The following MUC12 variants were observed in gnomAD, a reference collection of about 807,000 sequenced individuals.
MUC12 encodes mucin-12.
Under a neutral mutation model 230.8 loss-of-function variants are expected in MUC12, and 172 were observed. The observed-to-expected ratio is 0.75, with a 90% CI of 0.66 to 0.85. The LOEUF (loss-of-function observed/expected upper bound fraction) is 0.85. Ranked by LOEUF, MUC12 falls within the 40% of genes least tolerant of loss-of-function variation. MUC12 has a pLI of 0.00. For synonymous variants in MUC12, 1,259 were observed against 2,401.9 expected (o/e 0.52, Z 13.91); for missense variants, 3,506 against 5,920.6 (o/e 0.59, Z 13.38).
chr7:101,014,638 T>G (rs967556911), intron 9 of MUC12, among the ~76,000 whole-genome samples: 11 of 152,060 alleles, frequency 7.2e-5, no homozygotes, highest in Non-Finnish European at 1.5e-4. Flanking sequence ...CCACCATGCC[T>G]GGCTAATTTT....
rs187453839 is a variant in MUC12, at chr7:101,008,186, T to G, written c.15059-448T>G. Among the ~76,000 whole-genome samples, 5 of 151,802 alleles carry G rather than the reference T, an allele frequency of 3.3e-5. No homozygotes were observed. The East Asian group carries it at 7.8e-4, about 24-fold the overall frequency. On this transcript the variant is annotated intron_variant, in intron 3 of 11. Transcript: ENST00000536621. ...TGTGGCCCAGGCTGGAGTGCAGAGG[T>G]GCAGATCATAGCTCACCACAGCCTC... is the stretch of plus-strand genomic sequence containing the variant.
chr7:101,013,081 A>G lies in MUC12; in HGVS notation c.15577A>G (p.Lys5193Glu), dbSNP rs942964514. 6.5e-6 allele frequency: 10 copies of G among 1,537,228 alleles called. No individual in the cohort carries two copies. In the African/African-American group the frequency reaches 1.4e-4, roughly 21 times the overall value. Residue 5193 changes from lysine to glutamate, a missense_variant, in exon 8 of 12, where the codon AAG becomes GAG. Physicochemically the swap from Lys to Glu is moderately conservative, Grantham distance 56. Transcript: ENST00000536621. ...ACVNKCTKGT[K>E]SQMNCNLGTC... Reference sequence around the variant, plus strand: ...TGTGAACAAGTGCACCAAAGGAACGAAGTCGCAAATGAACTGTAACCTGGG... The same window carrying G: ...TGTGAACAAGTGCACCAAAGGAACGGAGTCGCAAATGAACTGTAACCTGGG...
At chr7:101,015,727 T>G in intron 10 of MUC12, 36 bp downstream of exon 10, 1 of 1,520,940 alleles carries the variant, frequency 6.6e-7, no homozygotes, top group Non-Finnish European at 8.8e-7. Flanking sequence ...TGAGCAGAGC[T>G]GGAGGGTGAA....
Position 101,004,341 on chromosome 7 carries a change from C to G in MUC12, c.13778C>G (p.Ser4593Cys), listed in dbSNP as rs767685166. The change falls in exon 2 of 12, where the codon TCC (serine) becomes TGC (cysteine). Residue 4593 changes from serine (S) to cysteine (C), a missense_variant. Transcript: ENST00000536621. ...ATATTPSPAR[S>C]TTSGLVEEST... ...GCAACAACACCCTCGCCTGCCCGCT[C>G]CACAACCTCAGGCCTCGTTGAAGAA... 2.2e-6 allele frequency: 3 copies of G among 1,344,024 alleles called. No homozygotes were observed. Among genetic ancestry groups the G allele is most frequent in the African/African-American group, 1.9e-5 (1 of 52,394 alleles). The allele number at this position is 1,344,024 out of a possible 1,614,324, so 83.3% of individuals were successfully genotyped here. A position where few individuals can be genotyped will look rare whatever the true frequency, so the allele number is the denominator to read the frequency against.
Position 101,005,415 on chromosome 7 carries a change from G to A in MUC12, c.14852G>A (p.Ser4951Asn), listed in dbSNP as rs1793730370. The A allele has an allele frequency of 6.5e-7, 1 of 1,537,922 alleles. No individual in the cohort carries two copies. Among genetic ancestry groups the A allele is most frequent in the Non-Finnish European group, 8.7e-7 (1 of 1,147,070 alleles). The change falls in exon 2 of 12, where the codon AGT (serine) becomes AAT (asparagine). Residue 4951 changes from serine to asparagine, a missense_variant. Physicochemically the swap from Ser to Asn is conservative, Grantham distance 46. Transcript: ENST00000536621. ...ACTTACACAACACTCTTTCCTGCGA[G>A]TTCCAGCACATCAGGCCTCACTGAG... ...SPTYTTLFPA[S>N]SSTSGLTEES...
Position 100,969,579 on chromosome 7 carries a change from C to G in MUC12, c.-44C>G. 1.3e-6 allele frequency: 2 copies of G among 1,537,346 alleles called. No individual in the cohort carries two copies. The highest frequency in any genetic ancestry group is 1.7e-6 in the Non-Finnish European group (2 of 1,146,898). ...GGGAGGCCTTCATTTCTTGGTCCCT[C>G]CTGATGAGAGAAGATGGGCAGCCAG... On this transcript the variant is annotated 5_prime_UTR_variant, in exon 1 of 12. Coordinates refer to ENST00000536621, the MANE Select transcript of MUC12 (RefSeq NM_001164462.2).
Position 100,992,027 on chromosome 7 carries a change from C to T in MUC12, c.1464C>T (p.Gly488=), listed in dbSNP as rs1329757530. ...TACCCGGCAGTACCACAAAACCAGG[C>T]CTCAGTGAGAAATCTACCACTTTCT... The part of the protein sequence containing the change: ...TALPGSTTKP[G]LSEKSTTFYS... Residue 488 remains glycine, a synonymous_variant, in exon 2 of 12, where the codon GGC becomes GGT. Transcript: ENST00000536621. 6.5e-7 allele frequency: 1 copy of T among 1,537,980 alleles called. No individual in the cohort carries two copies. The highest frequency in any genetic ancestry group is 8.7e-7 in the Non-Finnish European group (1 of 1,147,070).
In MUC12 at chr7:100,995,875, C is replaced by G. The variant is rs779049768; in HGVS notation, c.5312C>G (p.Ala1771Gly). 3 of 1,425,080 alleles carry G rather than the reference C, an allele frequency of 2.1e-6. No individual in the cohort carries two copies. The highest frequency in any genetic ancestry group is 1.2e-5 in the South Asian group (1 of 80,486). The allele number at this position is 1,425,080 out of a possible 1,614,324, so 88.3% of individuals were successfully genotyped here. A position where few individuals can be genotyped will look rare whatever the true frequency, so the allele number is the denominator to read the frequency against. Residue 1771 changes from alanine (A) to glycine (G), a missense_variant, in exon 2 of 12, where the codon GCG becomes GGG. Ala to Gly is a moderately conservative substitution (Grantham distance 60). Coordinates refer to ENST00000536621, the MANE Select transcript of MUC12 (RefSeq NM_001164462.2). ...TTSGLVEEST[A>G]YHSSPGSTQT... The stretch of plus-strand genomic sequence containing the variant: ...TCAGGCCTCGTTGAAGAATCTACGG[C>G]GTACCACAGCAGCCCGGGCTCAACT...
In MUC12 at chr7:100,995,915, C is replaced by T; in HGVS notation, c.5352C>T (p.Phe1784=). 4 of 1,301,492 alleles carry T rather than the reference C, an allele frequency of 3.1e-6. No homozygotes were observed. Among genetic ancestry groups the T allele is most frequent in the Non-Finnish European group, 3.1e-6 (3 of 962,566 alleles). The allele number at this position is 1,301,492 out of a possible 1,614,324, so 80.6% of individuals were successfully genotyped here. ...SSPGSTQTMH[F]PESSTASGRS... ...CGGGCTCAACTCAAACAATGCACTT[C>T]CCTGAAAGCTCCACAGCTTCAGGTC... The change falls in exon 2 of 12, where the codon TTC becomes TTT. Residue 1784 remains phenylalanine, a synonymous_variant. Transcript: ENST00000536621.
rs61742940 is a variant in MUC12 at position 100,991,463 on chromosome 7, A to G, written c.900A>G (p.Lys300=). 9.1e-6 allele frequency: 14 copies of G among 1,537,588 alleles called. No individual in the cohort carries two copies. The East Asian group carries it at 1.7e-4, about 19-fold the overall frequency. The stretch of plus-strand genomic sequence containing the variant: ...CTGGTACCACATCAGCCTTTGTTAA[A>G]CTATCTACAACTTATCACAGCAGCC... ...APSGTTSAFV[K]LSTTYHSSPS... The change falls in exon 2 of 12, where the codon AAA becomes AAG. Residue 300 remains lysine, a synonymous_variant. Transcript: ENST00000536621.
intron 10 of MUC12, 78 bp from the exon 11 acceptor site, chr7:101,017,497 T>G (rs895426656): frequency 2.2e-6 from 2 of 910,272 alleles, no homozygotes; most frequent in African/African-American, 3.3e-5. Flanking sequence ...CTCTTCCTTT[T>G]GCCAGAGGAA....
Position 101,003,413 on chromosome 7 carries a change from A to C in MUC12, c.12850A>C (p.Thr4284Pro). The change falls in exon 2 of 12, where the codon ACA becomes CCA. Residue 4284 changes from threonine (T) to proline (P), a missense_variant. By Grantham distance (38) the Thr-to-Pro change is conservative (BLOSUM62 -1). Transcript: ENST00000536621. ...CCACAGCAGCCCAGGCTCCACTGAAACAACACTCTTACCTGACAACACCAC... is the reference window on the plus strand; with the variant it reads ...CCACAGCAGCCCAGGCTCCACTGAACCAACACTCTTACCTGACAACACCAC... ...TFHSSPGSTE[T>P]TLLPDNTTAS... 1 of 1,518,834 alleles carries C rather than the reference A, an allele frequency of 6.6e-7. No homozygotes were observed. 94.1% of individuals were successfully genotyped at this position (1,518,834 alleles called of 1,614,324 possible).
At chr7:100,980,870 G>T (rs978540599) in intron 1 of MUC12, among the ~76,000 whole-genome samples, 1 of 151,878 alleles carries the variant, frequency 6.6e-6, no homozygotes, top group Non-Finnish European at 1.5e-5. Flanking sequence ...GTGAGCTAAG[G>T]TTGTGCCACT....
intron 1 of MUC12, among the ~76,000 whole-genome samples, chr7:100,982,156 C>T (rs1393863076): frequency 1.3e-5 from 2 of 151,762 alleles, no homozygotes; most frequent in African/African-American, 2.4e-5. Flanking sequence ...CGTGAGCCAC[C>T]GTGCCCAGCC....
chr7:100,977,979 C>T (rs113969065), intron 1 of MUC12, among the ~76,000 whole-genome samples: 1,688 of 152,258 alleles, frequency 0.011, 35 homozygotes, highest in African/African-American at 0.038. Flanking sequence ...ACCTCTCTCT[C>T]TTTTCTCTGA....
At chr7:100,983,575 C>G (rs928009845) in intron 1 of MUC12, among the ~76,000 whole-genome samples, 1 of 152,174 alleles carries the variant, frequency 6.6e-6, no homozygotes, top group Non-Finnish European at 1.5e-5. Context: ...ACAGGGCCAA[C>G]TGAACAGGGC....
In MUC12 at chr7:101,004,837, A is replaced by G; in HGVS notation, c.14274A>G (p.Thr4758=). The stretch of plus-strand genomic sequence containing the variant: ...AAACACTCTCACCTGCCAGCATGAC[A>G]AGCTCCAGCATCAGTGGAGAACCCA... The part of the protein sequence containing the change: ...PDQTLSPASM[T]SSSISGEPTS... Residue 4758 remains threonine, a synonymous_variant, in exon 2 of 12, where the codon ACA becomes ACG. Transcript: ENST00000536621. 3.9e-6 allele frequency: 6 copies of G among 1,537,158 alleles called. No homozygotes were observed. The highest frequency in any genetic ancestry group is 1.2e-5 in the South Asian group (1 of 84,030).
chr7:100,990,448 A>G (rs1793262195), intron 1 of MUC12, 183 bp from the exon 2 acceptor site: 1 of 711,578 alleles, frequency 1.4e-6, no homozygotes. Flanking sequence ...CACCATCAAT[A>G]AAATTTCTTC....
chr7:100,974,936 G>A (rs114565015), intron 1 of MUC12, among the ~76,000 whole-genome samples: 171 of 152,378 alleles, frequency 1.1e-3, no homozygotes, highest in African/African-American at 3.6e-3. Context: ...GAGAGGCACC[G>A]AGAGCCACCC....
Sources: gnomAD v4.1 joint callset for allele counts (sites outside exome capture counted in the v4.1 genomes callset) on GRCh38, gnomAD v4.1.1 for gene constraint, MANE v1.5 for transcripts, NCBI Gene and HGNC (gene_info 2026-07-23, HGNC 2026-07-21) for gene names.